Variants in DLG2 observed in about 807,000 individuals in gnomAD.
The protein encoded by DLG2 is disks large homolog 2.
A neutral mutation model predicts 132.5 loss-of-function variants in DLG2; 45 were observed. That is an observed-to-expected ratio of 0.34 (90% CI 0.27 to 0.44). The LOEUF (loss-of-function observed/expected upper bound fraction) is 0.44. DLG2 is among the 20% of genes least tolerant of loss of function. The pLI, the probability that DLG2 is intolerant of heterozygous loss-of-function variation, is 1.00. For synonymous variants in DLG2, 424 were observed against 419.6 expected, an observed-to-expected ratio of 1.01 and a Z score of -0.13; for missense variants, 1,045 against 1,196.9, an observed-to-expected ratio of 0.87 and a Z score of 1.87.
chr11:83,574,872 A>T (rs1228318881), intron 19 of DLG2, among the ~76,000 whole-genome samples: 1 of 152,214 alleles, frequency 6.6e-6, no homozygotes, highest in Non-Finnish European at 1.5e-5. Context: ...TTGTGAAATT[A>T]TTGACTAAAG....
chr11:83,601,700 T>C (rs1240244713), intron 19 of DLG2, among the ~76,000 whole-genome samples: 2 of 148,160 alleles, frequency 1.3e-5, no homozygotes, highest in African/African-American at 4.9e-5. Context: ...ATTTCTTTCT[T>C]TTTTTTTTTG....
chr11:85,459,355 C>T (rs991296311), intron 3 of DLG2, among the ~76,000 whole-genome samples: 1 of 152,104 alleles, frequency 6.6e-6, no homozygotes, highest in Non-Finnish European at 1.5e-5. Context: ...GATGAGCGAC[C>T]AGGCTTCTCT....
At chr11:84,588,374 T>G (rs991386450) in intron 6 of DLG2, among the ~76,000 whole-genome samples, 85 of 152,340 alleles carry the variant, frequency 5.6e-4, no homozygotes, top group African/African-American at 2.0e-3. Context: ...CATCATTCTT[T>G]TGTATTCTTA....
chr11:85,266,431 G>A (rs1184801025), intron 4 of DLG2, among the ~76,000 whole-genome samples: 1 of 152,118 alleles, frequency 6.6e-6, no homozygotes, highest in African/African-American at 2.4e-5. Flanking sequence ...GACACAGGGA[G>A]GGGAACATCA....
chr11:84,732,943 A>T (rs1368799244), intron 6 of DLG2, among the ~76,000 whole-genome samples: 1 of 152,028 alleles, frequency 6.6e-6, no homozygotes, highest in Non-Finnish European at 1.5e-5. Flanking sequence ...TTCCAGCTTC[A>T]TCCATGTCCC....
chr11:85,065,099 G>A (rs1416864423), intron 6 of DLG2, among the ~76,000 whole-genome samples: 1 of 151,430 alleles, frequency 6.6e-6, no homozygotes, highest in Non-Finnish European at 1.5e-5. Context: ...GAGAGGGGTG[G>A]GAGGAGTAGA....
At chr11:85,007,382 C>T (rs1016071929) in intron 6 of DLG2, among the ~76,000 whole-genome samples, 39 of 152,046 alleles carry the variant, frequency 2.6e-4, no homozygotes, top group African/African-American at 8.7e-4. Flanking sequence ...GAGATATGGC[C>T]GGGCGCAGTG....
intron 6 of DLG2, among the ~76,000 whole-genome samples, chr11:84,569,778 A>G (rs1490801162): frequency 6.6e-6 from 1 of 152,200 alleles, no homozygotes; most frequent in African/African-American, 2.4e-5. Flanking sequence ...TACTCACTTA[A>G]GATTGAGGCC....
At chr11:85,548,935 G>T (rs1296235125) in intron 3 of DLG2, among the ~76,000 whole-genome samples, 2 of 152,160 alleles carry the variant, frequency 1.3e-5, no homozygotes, top group East Asian at 3.9e-4. Flanking sequence ...CTCCGTGGGG[G>T]TGGGACTGCC....
chr11:85,584,624 A>G (rs1314142592), intron 3 of DLG2, among the ~76,000 whole-genome samples: 2 of 152,210 alleles, frequency 1.3e-5, no homozygotes, highest in Non-Finnish European at 2.9e-5. Flanking sequence ...CATCCCCACC[A>G]GCAGTGTAAA....
chr11:84,954,256 T>A (rs2051333801), intron 6 of DLG2, among the ~76,000 whole-genome samples: 1 of 151,180 alleles, frequency 6.6e-6, no homozygotes. Flanking sequence ...ACCAACTGAG[T>A]CACAACACAG....
chr11:85,483,730 G>A (rs1309396763), intron 3 of DLG2, among the ~76,000 whole-genome samples: 3 of 151,864 alleles, frequency 2.0e-5, no homozygotes, highest in Admixed American at 6.6e-5. Context: ...GATCACTTGA[G>A]GTCAGGAGTT....
intron 6 of DLG2, among the ~76,000 whole-genome samples, chr11:84,986,264 C>A (rs768315148): frequency 2.0e-5 from 3 of 151,938 alleles, no homozygotes; most frequent in East Asian, 3.9e-4. Flanking sequence ...GAACTAGATA[C>A]CCTGAACAGA....
At chr11:84,819,210 G>A (rs1461838702) in intron 6 of DLG2, among the ~76,000 whole-genome samples, 1 of 151,622 alleles carries the variant, frequency 6.6e-6, no homozygotes, top group Non-Finnish European at 1.5e-5. Context: ...AAAGTATGTG[G>A]TATTTAAACC....
intron 6 of DLG2, among the ~76,000 whole-genome samples, chr11:84,960,936 A>G (rs2052466782): frequency 6.6e-6 from 1 of 152,144 alleles, no homozygotes. Context: ...TGATAAATAC[A>G]GTCCTCTAAC....
At chr11:85,116,235 TTA>T (rs2073553785) in intron 5 of DLG2, among the ~76,000 whole-genome samples, 1 of 151,972 alleles carries the variant, frequency 6.6e-6, no homozygotes, top group African/African-American at 2.4e-5. Flanking sequence ...AAAATTAATT[TTA>T]TGAGCTAATT....
At chr11:85,432,849 C>T (rs539107026) in intron 3 of DLG2, among the ~76,000 whole-genome samples, 4 of 151,922 alleles carry the variant, frequency 2.6e-5, no homozygotes, top group Non-Finnish European at 5.9e-5. Flanking sequence ...GAAGAACAAC[C>T]CCAAGACACA....
chr11:85,048,112 A>G (rs1384247066), intron 6 of DLG2, among the ~76,000 whole-genome samples: 1 of 151,728 alleles, frequency 6.6e-6, no homozygotes, highest in Non-Finnish European at 1.5e-5. Flanking sequence ...CCTTTTTTTG[A>G]CCTTCAATAC....
chr11:84,125,042 G>A (rs965671413), intron 9 of DLG2, among the ~76,000 whole-genome samples: 1 of 151,950 alleles, frequency 6.6e-6, no homozygotes, highest in South Asian at 2.1e-4. Context: ...TAGAGACGGA[G>A]TTTCTCTATG....
Sources: gnomAD v4.1 joint callset for allele counts (sites outside exome capture counted in the v4.1 genomes callset) on GRCh38, gnomAD v4.1.1 for gene constraint, MANE v1.5 for transcripts, NCBI Gene and HGNC (gene_info 2026-07-23, HGNC 2026-07-21) for gene names.